SGCD: variants seen among roughly 807,000 people sequenced by gnomAD.
SGCD encodes sarcoglycan delta.
SGCD carries 18 observed loss-of-function variants against 36.6 expected under a neutral mutation model. That is an observed-to-expected ratio of 0.49 (90% CI 0.34 to 0.73). The LOEUF (loss-of-function observed/expected upper bound fraction) is 0.73, where lower values mean the gene tolerates loss of function less well. SGCD is among the 30% of genes least tolerant of loss of function. SGCD has a pLI of 0.01. For synonymous variants in SGCD, 133 were observed against 130.6 expected (o/e 1.02, Z -0.12); for missense variants, 387 against 346.7 (o/e 1.12, Z -0.92).
At chr5:156,368,528 C>T (rs552103630) in intron 3 of SGCD, among the ~76,000 whole-genome samples, 133 of 152,294 alleles carry the variant, frequency 8.7e-4, no homozygotes, top group Non-Finnish European at 1.5e-3. Context: ...ATTTCTTATT[C>T]TGTCAAGGCT....
chr5:155,833,065 A>AG, the SGCD span, among the ~76,000 whole-genome samples: 1 of 135,110 alleles, frequency 7.4e-6, no homozygotes, highest in Non-Finnish European at 1.6e-5. Context: ...AAAAAAAAAA[A>AG]AAAAAAGAAA....
intron 1 of SGCD, among the ~76,000 whole-genome samples, chr5:155,919,238 A>G (rs1223307884): frequency 6.6e-6 from 1 of 152,244 alleles, no homozygotes; most frequent in East Asian, 1.9e-4. Context: ...TGCAAGTTCA[A>G]AAAGATTAAG....
the SGCD span, among the ~76,000 whole-genome samples, chr5:155,808,155 G>T: frequency 6.6e-6 from 1 of 152,174 alleles, no homozygotes; most frequent in Non-Finnish European, 1.5e-5. Context: ...CACGTACCTT[G>T]TGGGCCTCAT....
chr5:155,970,981 G>A (rs1022789528), intron 1 of SGCD, among the ~76,000 whole-genome samples: 2 of 152,102 alleles, frequency 1.3e-5, no homozygotes, highest in African/African-American at 4.8e-5. Flanking sequence ...CATGGTCTCA[G>A]GGTGACTTCC....
At chr5:156,191,558 T>C (rs200921484) in intron 3 of SGCD, among the ~76,000 whole-genome samples, 1 of 73,544 alleles carries the variant, frequency 1.4e-5, no homozygotes, top group Non-Finnish European at 2.7e-5. Flanking sequence ...TGTCTAGTTC[T>C]TTCTTTGTTG....
chr5:155,784,389 C>T, the SGCD span, among the ~76,000 whole-genome samples: 6 of 152,172 alleles, frequency 3.9e-5, no homozygotes, highest in African/African-American at 1.4e-4. Context: ...AGCCGTGAAG[C>T]TAGGAAGGTA....
intron 3 of SGCD, among the ~76,000 whole-genome samples, chr5:156,283,898 C>G (rs542292953): frequency 2.0e-5 from 3 of 152,278 alleles, no homozygotes; most frequent in African/African-American, 7.2e-5. Flanking sequence ...GTGAAAAGTG[C>G]TGAGTTCTCC....
chr5:155,996,868 GATAGATAGATA>G (rs1561676980), intron 1 of SGCD, among the ~76,000 whole-genome samples: 41 of 107,796 alleles, frequency 3.8e-4, no homozygotes, highest in East Asian at 2.4e-3. Context: ...TGGATGGATA[GATAGATAGATA>G]GATAGATAGA....
intron 3 of SGCD, among the ~76,000 whole-genome samples, chr5:156,197,621 C>A (rs1764052720): frequency 6.6e-6 from 1 of 151,878 alleles, no homozygotes; most frequent in African/African-American, 2.4e-5. Flanking sequence ...CCATATTGTT[C>A]AATTAATAAG....
At chr5:155,962,433 T>G (rs1201103949) in intron 1 of SGCD, among the ~76,000 whole-genome samples, 1 of 152,104 alleles carries the variant, frequency 6.6e-6, no homozygotes, top group African/African-American at 2.4e-5. Flanking sequence ...TAGGTCATGC[T>G]GAGGACTCGC....
chr5:156,109,650 T>G (rs1761736577), intron 1 of SGCD, among the ~76,000 whole-genome samples: 1 of 152,188 alleles, frequency 6.6e-6, no homozygotes, highest in South Asian at 2.1e-4. Context: ...TTCTTCTGCC[T>G]GAAATGGTCT....
At chr5:156,385,918 G>C (rs1771252022) in intron 3 of SGCD, among the ~76,000 whole-genome samples, 1 of 152,170 alleles carries the variant, frequency 6.6e-6, no homozygotes, top group Admixed American at 6.5e-5. Context: ...TACTGCCTCT[G>C]GTGTTGAATG....
rs1302424358 is a variant in SGCD, at chr5:156,554,315, A to G, written c.295-34916A>G. 4.0e-5 allele frequency among the ~76,000 whole-genome samples: 6 copies of G among 151,594 alleles called. No homozygotes were observed. In the East Asian group the frequency reaches 7.8e-4, roughly 20 times the overall value. On this transcript the variant is annotated intron_variant, in intron 4 of 8. Coordinates refer to ENST00000337851, the MANE Select transcript of SGCD (RefSeq NM_000337.6). Reference sequence around the variant, plus strand: ...GGTTGTAATGAGCTGAGATCACGCCACTGCACTCCAGCCTTGGCAACAGAG... The same window carrying G: ...GGTTGTAATGAGCTGAGATCACGCCGCTGCACTCCAGCCTTGGCAACAGAG...
intron 7 of SGCD, among the ~76,000 whole-genome samples, chr5:156,682,679 G>A (rs550118670): frequency 9.8e-5 from 15 of 152,334 alleles, no homozygotes; most frequent in Non-Finnish European, 1.6e-4. Flanking sequence ...AAACCAGCAC[G>A]TCTAACTGTG....
chr5:155,821,978 T>C, the SGCD span, among the ~76,000 whole-genome samples: 1 of 152,224 alleles, frequency 6.6e-6, no homozygotes. Context: ...TCATTGGATG[T>C]TGGCTAAATT....
chr5:156,468,222 T>C (rs1561715182), intron 3 of SGCD, among the ~76,000 whole-genome samples: 1 of 151,552 alleles, frequency 6.6e-6, no homozygotes, highest in Non-Finnish European at 1.5e-5. Flanking sequence ...ATGACTATAG[T>C]CTCAGCTACT....
intron 7 of SGCD, among the ~76,000 whole-genome samples, chr5:156,690,966 G>A (rs1004629422): frequency 1.3e-5 from 2 of 152,028 alleles, no homozygotes; most frequent in East Asian, 1.9e-4. Context: ...CAGCACTATG[G>A]GAGTCCAAGG....
intron 3 of SGCD, among the ~76,000 whole-genome samples, chr5:156,503,207 CCTATGTTATAAACTGT>C (rs1188419874): frequency 3.3e-5 from 5 of 152,152 alleles, no homozygotes; most frequent in African/African-American, 1.2e-4. Context: ...CTGGGTACCT[CCTATGTTATAAACTGT>C]CTTACAGGAT....
intron 3 of SGCD, among the ~76,000 whole-genome samples, chr5:156,432,097 A>T (rs951295452): frequency 6.6e-6 from 1 of 152,186 alleles, no homozygotes; most frequent in African/African-American, 2.4e-5. Flanking sequence ...GGGAATATCT[A>T]CAAAGGGTCC....
Sources: gnomAD v4.1 joint callset for allele counts (sites outside exome capture counted in the v4.1 genomes callset) on GRCh38, gnomAD v4.1.1 for gene constraint, MANE v1.5 for transcripts, NCBI Gene and HGNC (gene_info 2026-07-23, HGNC 2026-07-21) for gene names.